The following CNBD1 variants were observed in gnomAD, a reference collection of about 807,000 sequenced individuals.
The protein encoded by CNBD1 is cyclic nucleotide binding domain containing 1.
A neutral mutation model predicts 54.4 loss-of-function variants in CNBD1; 71 were observed. The observed-to-expected ratio is 1.30, with a 90% CI of 1.08 to 1.59. The LOEUF is 1.59. Among genes scored for constraint, CNBD1 ranks in the 40% most tolerant of loss-of-function variants. The pLI, the probability that CNBD1 is intolerant of heterozygous loss-of-function variation, is 0.00. For missense variants in CNBD1, 659 were observed against 518.0 expected, an observed-to-expected ratio of 1.27 and a Z score of -2.64; for synonymous variants, 182 against 170.7, an observed-to-expected ratio of 1.07 and a Z score of -0.51.
At chr8:87,368,406 TGA>T (rs1486302475) in intron 10 of CNBD1, among the ~76,000 whole-genome samples, 2 of 151,848 alleles carry the variant, frequency 1.3e-5, no homozygotes, top group African/African-American at 2.4e-5. Flanking sequence ...GAGGCTGAAG[TGA>T]GAGGACTGTT....
chr8:86,919,036 AAAAG>A (rs1809231826), intron 3 of CNBD1, among the ~76,000 whole-genome samples: 1 of 151,904 alleles, frequency 6.6e-6, no homozygotes, highest in Non-Finnish European at 1.5e-5. Flanking sequence ...TTTTTAAAAA[AAAAG>A]AGAAAGGCAA....
intron 10 of CNBD1, among the ~76,000 whole-genome samples, chr8:87,367,951 C>T (rs1213855189): frequency 6.6e-6 from 1 of 151,994 alleles, no homozygotes. Flanking sequence ...GCAGGTGGAT[C>T]ACGAGGTCAG....
intron 8 of CNBD1, among the ~76,000 whole-genome samples, chr8:87,309,238 T>A (rs1330639227): frequency 1.3e-5 from 2 of 152,168 alleles, no homozygotes; most frequent in Non-Finnish European, 2.9e-5. Flanking sequence ...TGCATTCTCA[T>A]CAGCATTTGT....
Position 86,939,754 on chromosome 8 carries a change from T to A in CNBD1, c.431T>A (p.Leu144Ter), listed in dbSNP as rs1465759521. ...FEEFLAILKK[L>*]PIHRTPYEHK... is the part of the protein sequence containing the mutation. ...GAATTCCTAGCTATCTTAAAGAAAT[T>A]GTAAGTATTTAAAATATATTCCTTC... Residue 144 changes from leucine to a stop codon, truncating the protein, a stop_gained and splice_region_variant, in exon 4 of 11, where the codon TTG becomes TAG. Coordinates refer to ENST00000518476, the MANE Select transcript of CNBD1 (RefSeq NM_173538.3). LOFTEE classifies it high-confidence loss of function. 6.6e-7 allele frequency: 1 copy of A among 1,511,944 alleles called. No homozygotes were observed. Among genetic ancestry groups the A allele is most frequent in the African/African-American group, 1.4e-5 (1 of 70,890 alleles). The allele number at this position is 1,511,944 out of a possible 1,614,324, so 93.7% of individuals were successfully genotyped here.
chr8:87,323,933 G>T (rs2130902644), intron 8 of CNBD1, among the ~76,000 whole-genome samples: 1 of 138,766 alleles, frequency 7.2e-6, no homozygotes, highest in South Asian at 2.2e-4. Context: ...GATATTGGCT[G>T]TGGGTTTGCC....
At chr8:87,080,682 C>A (rs1158117302) in intron 4 of CNBD1, among the ~76,000 whole-genome samples, 10 of 151,802 alleles carry the variant, frequency 6.6e-5, no homozygotes, top group African/African-American at 2.4e-4. Context: ...GTGTTGTGAA[C>A]TTGTTCTGTA....
chr8:87,427,965 C>T (rs1479036183), intron 2 of CNBD1, among the ~76,000 whole-genome samples: 1 of 152,046 alleles, frequency 6.6e-6, no homozygotes, highest in Non-Finnish European at 1.5e-5. Context: ...CTTCTAAATC[C>T]TATTGGTTTG....
At chr8:86,962,508 G>A (rs528935036) in intron 4 of CNBD1, among the ~76,000 whole-genome samples, 183 of 152,218 alleles carry the variant, frequency 1.2e-3, no homozygotes, top group South Asian at 0.011. Context: ...GTCAGAGGCC[G>A]GGCACAGTGG....
At chr8:87,347,912 A>G (rs1229455596) in intron 8 of CNBD1, among the ~76,000 whole-genome samples, 2 of 152,226 alleles carry the variant, frequency 1.3e-5, no homozygotes, top group Admixed American at 6.5e-5. Context: ...GACTAATTCT[A>G]TAAATATATT....
chr8:87,343,821 G>T (rs553134734), intron 8 of CNBD1, among the ~76,000 whole-genome samples: 1 of 152,018 alleles, frequency 6.6e-6, no homozygotes, highest in African/African-American at 2.4e-5. Flanking sequence ...TAAAATGTCT[G>T]AAATACAGTT....
chr8:87,359,922 A>T (rs1428253491), intron 10 of CNBD1, among the ~76,000 whole-genome samples: 1 of 152,088 alleles, frequency 6.6e-6, no homozygotes, highest in Non-Finnish European at 1.5e-5. Flanking sequence ...ATCCTCAATT[A>T]TTAGTTGGTT....
chr8:87,034,449 C>A lies in CNBD1; in HGVS notation c.431+94695C>A, dbSNP rs114182034. 2.0e-3 allele frequency among the ~76,000 whole-genome samples: 312 copies of A among 152,308 alleles called. 1 individual carries two copies. Among genetic ancestry groups the A allele is most frequent in the African/African-American group, 7.3e-3 (302 of 41,568 alleles). On this transcript the variant is annotated intron_variant, in intron 4 of 10. Transcript: ENST00000518476. ...AGCTCATCTCAACAGCAACAGGAGG[C>A]AGCTACACAATTATTACAGTAGCAT...
At chr8:87,376,387 C>G (rs529797449) in intron 10 of CNBD1, among the ~76,000 whole-genome samples, 6 of 151,790 alleles carry the variant, frequency 4.0e-5, no homozygotes, top group Non-Finnish European at 8.8e-5. Flanking sequence ...GCCCTCAGCA[C>G]CTAATTACTT....
chr8:87,322,631 G>A (rs1187406517), intron 8 of CNBD1, among the ~76,000 whole-genome samples: 8 of 90,644 alleles, frequency 8.8e-5, no homozygotes, highest in South Asian at 3.3e-4. Flanking sequence ...CATGTCCTTC[G>A]CCCACTTTTT....
intron 10 of CNBD1, among the ~76,000 whole-genome samples, chr8:87,372,632 C>CT (rs1433360462): frequency 6.6e-6 from 1 of 151,684 alleles, no homozygotes; most frequent in East Asian, 1.9e-4. Flanking sequence ...CTAGTAATAG[C>CT]TTTTTTGTTA....
intron 4 of CNBD1, among the ~76,000 whole-genome samples, chr8:87,053,669 G>T (rs1810356998): frequency 6.6e-6 from 1 of 152,140 alleles, no homozygotes; most frequent in Non-Finnish European, 1.5e-5. Context: ...AGGCTTATCT[G>T]CTGAAGTCCC....
At chr8:87,397,537 C>T (rs1052799383) in intron 2 of CNBD1, among the ~76,000 whole-genome samples, 4 of 151,872 alleles carry the variant, frequency 2.6e-5, no homozygotes, top group Non-Finnish European at 5.9e-5. Context: ...AAGAGACAGA[C>T]ATTATATCTT....
intron 8 of CNBD1, among the ~76,000 whole-genome samples, chr8:87,309,673 G>A (rs1809224954): frequency 6.6e-6 from 1 of 151,978 alleles, no homozygotes; most frequent in African/African-American, 2.4e-5. Flanking sequence ...TTATACCTAT[G>A]AATAACTATA....
At chr8:86,897,929 A>AT (rs907604364) in intron 2 of CNBD1, among the ~76,000 whole-genome samples, 9 of 151,920 alleles carry the variant, frequency 5.9e-5, no homozygotes, top group Non-Finnish European at 1.3e-4. Flanking sequence ...TCACTGCAGC[A>AT]TTTTTTTTGA....
Sources: allele counts gnomAD v4.1 joint callset (sites outside exome capture counted in the v4.1 genomes callset), GRCh38; gene constraint gnomAD v4.1.1; transcripts MANE v1.5; gene names NCBI Gene and HGNC (gene_info 2026-07-23, HGNC 2026-07-21).